CD226: variants seen among roughly 807,000 people sequenced by gnomAD.
The protein encoded by CD226 is CD226 antigen.
A neutral mutation model predicts 34.9 loss-of-function variants in CD226; 24 were observed. The observed-to-expected ratio is 0.69, with a 90% CI of 0.50 to 0.97. CD226 has a LOEUF of 0.97. Ranked by LOEUF, CD226 falls within the 50% of genes least tolerant of loss-of-function variation. The pLI is 0.00. For synonymous variants in CD226, 148 were observed against 147.4 expected (o/e 1.00, Z -0.03); for missense variants, 397 against 412.7 (o/e 0.96, Z 0.33).
At chr18:69,954,079 T>A (rs1026864412) in intron 1 of CD226, among the ~76,000 whole-genome samples, 5 of 152,150 alleles carry the variant, frequency 3.3e-5, no homozygotes, top group Non-Finnish European at 7.4e-5. Flanking sequence ...CCTCAATTTT[T>A]AAAAATTGTT....
upstream of CD226, among the ~76,000 whole-genome samples, chr18:69,961,107 A>G (rs1327459360): frequency 6.6e-6 from 1 of 152,254 alleles, no homozygotes; most frequent in African/African-American, 2.4e-5. Context: ...AAGACTCAGT[A>G]GCTTTATTGT....
chr18:69,875,135 T>C (rs1983785928), intron 3 of CD226, among the ~76,000 whole-genome samples: 1 of 152,142 alleles, frequency 6.6e-6, no homozygotes, highest in African/African-American at 2.4e-5. Context: ...ATTTATTTTA[T>C]TTTAATTTTA....
chr18:69,898,551 C>A (rs1985430855), intron 2 of CD226, among the ~76,000 whole-genome samples: 1 of 152,120 alleles, frequency 6.6e-6, no homozygotes, highest in Admixed American at 6.6e-5. Flanking sequence ...GAGGTTACAG[C>A]AGAGGCTCCA....
At chr18:69,907,715 A>G (rs1598997525) in intron 2 of CD226, among the ~76,000 whole-genome samples, 1 of 152,162 alleles carries the variant, frequency 6.6e-6, no homozygotes, top group Non-Finnish European at 1.5e-5. Context: ...GAATGAGGGG[A>G]TAACGGTTAA....
intron 2 of CD226, among the ~76,000 whole-genome samples, chr18:69,900,609 G>T (rs576656248): frequency 0.011 from 1,625 of 150,816 alleles, 32 homozygotes; most frequent in African/African-American, 0.036. Flanking sequence ...GCGGGCGCCT[G>T]TAGTCCCAGC....
At chr18:69,877,744 T>C (rs537455548) in intron 3 of CD226, among the ~76,000 whole-genome samples, 1 of 152,346 alleles carries the variant, frequency 6.6e-6, no homozygotes, top group African/African-American at 2.4e-5. Flanking sequence ...TAGATCTGCA[T>C]ATCCTAATAC....
upstream of CD226, among the ~76,000 whole-genome samples, chr18:69,950,164 TCAAA>T (rs35386554): frequency 0.76 from 115,948 of 151,764 alleles, 51,359 homozygotes; most frequent in East Asian, 1. Context: ...GCACGTACTC[TCAAA>T]CACACTCGTA....
At chr18:69,904,588 T>G (rs1266957148) in intron 2 of CD226, among the ~76,000 whole-genome samples, 3 of 152,214 alleles carry the variant, frequency 2.0e-5, no homozygotes, top group African/African-American at 7.2e-5. Context: ...CATGGTACAA[T>G]GAGAATGATG....
chr18:69,903,370 C>T (rs567353974), intron 2 of CD226, among the ~76,000 whole-genome samples: 42 of 152,216 alleles, frequency 2.8e-4, no homozygotes, highest in African/African-American at 9.1e-4. Flanking sequence ...CTGTAGACTC[C>T]CTGTGTGCAT....
intron 3 of CD226, among the ~76,000 whole-genome samples, chr18:69,880,001 G>T (rs556244710): frequency 6.6e-6 from 1 of 152,158 alleles, no homozygotes; most frequent in African/African-American, 2.4e-5. Flanking sequence ...TCACCATATC[G>T]ATCTGTGAAT....
rs544619288 is a variant in CD226 at position 69,942,351 on chromosome 18, C to T, written c.382+4383G>A. ...GTGTAAAGGTTCCAATCTACAGATG[C>T]CTATTTGCTTACCTTGCCTGCAAAC... On this transcript the variant is annotated intron_variant, in intron 2 of 5. Coordinates refer to ENST00000582621, the MANE Select transcript of CD226 (RefSeq NM_001303618.2). Among the ~76,000 whole-genome samples, 4 of 152,282 alleles carry T rather than the reference C, an allele frequency of 2.6e-5. No individual in the cohort carries two copies. In the South Asian group the frequency reaches 8.3e-4, roughly 32 times the overall value.
chr18:69,901,870 C>T, intron 2 of CD226, among the ~76,000 whole-genome samples: 1 of 148,674 alleles, frequency 6.7e-6, no homozygotes, highest in African/African-American at 2.5e-5. Context: ...CAGAGCAAGA[C>T]TCTGACTCAA....
chr18:69,953,845 C>A (rs1306176807), intron 1 of CD226, among the ~76,000 whole-genome samples: 1 of 151,898 alleles, frequency 6.6e-6, no homozygotes, highest in African/African-American at 2.4e-5. Context: ...ACTAAAAATA[C>A]AAAAATTAGC....
At chr18:69,886,960 G>A (rs1984592736) in intron 3 of CD226, among the ~76,000 whole-genome samples, 1 of 152,044 alleles carries the variant, frequency 6.6e-6, no homozygotes, top group Non-Finnish European at 1.5e-5. Flanking sequence ...CTGGCTATAA[G>A]AAATAATAAC....
chr18:69,899,904 T>C (rs1985504563), intron 2 of CD226, among the ~76,000 whole-genome samples: 1 of 152,168 alleles, frequency 6.6e-6, no homozygotes, highest in Non-Finnish European at 1.5e-5. Flanking sequence ...GAACTACCAT[T>C]TGACCCAGCA....
At chr18:69,955,839 G>A (rs1301784556) in intron 1 of CD226, among the ~76,000 whole-genome samples, 1 of 115,994 alleles carries the variant, frequency 8.6e-6, no homozygotes. Context: ...CTCCAGCCTG[G>A]GCAAAGGAGC....
At chr18:69,937,374 T>G (rs1474966055) in intron 2 of CD226, among the ~76,000 whole-genome samples, 1 of 152,192 alleles carries the variant, frequency 6.6e-6, no homozygotes, top group African/African-American at 2.4e-5. Flanking sequence ...TCTCCTGGAA[T>G]AGTGCCTATT....
At chr18:69,913,900 T>C (rs763042226) in intron 2 of CD226, among the ~76,000 whole-genome samples, 1 of 152,158 alleles carries the variant, frequency 6.6e-6, no homozygotes, top group Non-Finnish European at 1.5e-5. Flanking sequence ...AGGAAGAAGA[T>C]GTTTCTTACT....
intron 2 of CD226, among the ~76,000 whole-genome samples, chr18:69,939,726 G>T (rs2055699797): frequency 6.6e-6 from 1 of 152,110 alleles, no homozygotes; most frequent in African/African-American, 2.4e-5. Context: ...GGGTGTTTTG[G>T]GATGAGATTA....
Sources: gnomAD v4.1 joint callset for allele counts (sites outside exome capture counted in the v4.1 genomes callset) on GRCh38, gnomAD v4.1.1 for gene constraint, MANE v1.5 for transcripts, NCBI Gene and HGNC (gene_info 2026-07-23, HGNC 2026-07-21) for gene names.